The following BRD10 variants were observed in gnomAD, a reference collection of about 807,000 sequenced individuals.
The protein encoded by BRD10 is bromodomain containing 10.
At chr9:5,897,981 G>C in the BRD10 span, 1 of 260,152 alleles carries the variant, frequency 3.8e-6, no homozygotes, top group Non-Finnish European at 7.6e-6. Context: ...ACCTGGTGAG[G>C]ACTTCTTGCT....
the BRD10 span, among the ~76,000 whole-genome samples, chr9:5,946,536 C>A: frequency 9.2e-5 from 14 of 152,032 alleles, no homozygotes; most frequent in African/African-American, 3.4e-4. Context: ...TTGTCCCTAC[C>A]GTGGATTTTT....
chr9:5,913,800 G>A, the BRD10 span: 2 of 211,930 alleles, frequency 9.4e-6, no homozygotes, highest in Non-Finnish European at 1.9e-5. Flanking sequence ...AGAAAAACAA[G>A]GACTATTAAA....
chr9:5,882,024 G>A, the BRD10 span, among the ~76,000 whole-genome samples: 3 of 152,174 alleles, frequency 2.0e-5, no homozygotes, highest in Admixed American at 6.5e-5. Flanking sequence ...GAATATGAAC[G>A]GGGAGCTCCC....
the BRD10 span, among the ~76,000 whole-genome samples, chr9:5,882,581 C>G: frequency 1.3e-5 from 2 of 152,226 alleles, no homozygotes; most frequent in African/African-American, 2.4e-5. Flanking sequence ...GGACAACTGC[C>G]TAATTACTGC....
At chr9:5,954,991 G>C in the BRD10 span, among the ~76,000 whole-genome samples, 14 of 152,144 alleles carry the variant, frequency 9.2e-5, no homozygotes, top group African/African-American at 2.7e-4. Context: ...GGGAGCCTGA[G>C]ACAGGAGAAT....
the BRD10 span, among the ~76,000 whole-genome samples, chr9:5,884,202 G>T: frequency 2.4e-4 from 36 of 152,294 alleles, no homozygotes; most frequent in African/African-American, 8.7e-4. Context: ...CAACAATACA[G>T]GTAATCCTCA....
chr9:6,007,959 A>T, the BRD10 span: 2 of 1,291,004 alleles, frequency 1.5e-6, no homozygotes, highest in African/African-American at 3.1e-5. Context: ...TCTTGAGCTC[A>T]CCGCCGGCGG....
chr9:6,007,776 G>A, the BRD10 span: 2 of 1,556,332 alleles, frequency 1.3e-6, no homozygotes, highest in Admixed American at 1.9e-5. Flanking sequence ...CCGGCGTCCC[G>A]GGCACACTCA....
At chr9:5,954,022 C>T in the BRD10 span, 1 of 1,555,354 alleles carries the variant, frequency 6.4e-7, no homozygotes. Context: ...TTACCTGAAA[C>T]TCTGGTACAG....
At chr9:5,921,494 A>G in the BRD10 span, 1 of 1,613,924 alleles carries the variant, frequency 6.2e-7, no homozygotes, top group South Asian at 1.1e-5. Flanking sequence ...CTGGGCAGAA[A>G]CACCTGTAGA....
At chr9:5,879,914 G>A in the BRD10 span, among the ~76,000 whole-genome samples, 1 of 152,066 alleles carries the variant, frequency 6.6e-6, no homozygotes, top group Non-Finnish European at 1.5e-5. Flanking sequence ...AGACAAAAAT[G>A]CTACGTAGAA....
At chr9:5,958,613 C>G in the BRD10 span, among the ~76,000 whole-genome samples, 9 of 152,138 alleles carry the variant, frequency 5.9e-5, no homozygotes, top group Non-Finnish European at 1.2e-4. Context: ...TAGCGAGATC[C>G]TGTCTCTCAG....
the BRD10 span, among the ~76,000 whole-genome samples, chr9:5,939,269 T>C: frequency 6.6e-6 from 1 of 152,166 alleles, no homozygotes; most frequent in African/African-American, 2.4e-5. Context: ...AATAAGTGGT[T>C]TTATAACATT....
chr9:5,914,083 G>A, the BRD10 span: 1 of 449,498 alleles, frequency 2.2e-6, no homozygotes, highest in South Asian at 1.6e-5. Flanking sequence ...AAAAGAAAAT[G>A]ATCACAATAG....
At chr9:5,997,226 G>C in the BRD10 span, among the ~76,000 whole-genome samples, 5 of 152,184 alleles carry the variant, frequency 3.3e-5, no homozygotes, top group Non-Finnish European at 1.5e-5. Flanking sequence ...CTATTACAGT[G>C]TCTACAGAAA....
the BRD10 span, chr9:5,921,887 T>C: frequency 2.5e-6 from 4 of 1,613,772 alleles, no homozygotes; most frequent in Admixed American, 1.7e-5. Flanking sequence ...TAATGTAAGT[T>C]TGAGATTTTT....
chr9:5,927,994 C>T, the BRD10 span, among the ~76,000 whole-genome samples: 1 of 152,188 alleles, frequency 6.6e-6, no homozygotes, highest in Non-Finnish European at 1.5e-5. Context: ...AATTATATGT[C>T]TAAAGAGCAT....
At chr9:5,981,652 A>G in the BRD10 span, among the ~76,000 whole-genome samples, 1 of 151,538 alleles carries the variant, frequency 6.6e-6, no homozygotes, top group East Asian at 1.9e-4. Flanking sequence ...ATCTATTTTA[A>G]TCTATCCATC....
chr9:5,928,537 C>G, the BRD10 span, among the ~76,000 whole-genome samples: 2 of 152,204 alleles, frequency 1.3e-5, no homozygotes, highest in African/African-American at 2.4e-5. Flanking sequence ...TTCACTCGCT[C>G]TGCTCTGGTT....
Sources: gnomAD v4.1 joint callset for allele counts (sites outside exome capture counted in the v4.1 genomes callset) on GRCh38, gnomAD v4.1.1 for gene constraint, MANE v1.5 for transcripts, NCBI Gene and HGNC (gene_info 2026-07-23, HGNC 2026-07-21) for gene names.